The following NCOR2 variants were observed in gnomAD, a reference collection of about 807,000 sequenced individuals.
NCOR2 encodes the protein CTG repeat protein 26.
In NCOR2, 81 loss-of-function variants were observed where a neutral mutation model predicts 262.9. The ratio of observed to expected loss-of-function variants is 0.31; its 90% CI spans 0.26 to 0.37. NCOR2 has a LOEUF of 0.37. Among genes scored for constraint, NCOR2 ranks in the 10% least tolerant of loss-of-function variants. The pLI is 1.00. For synonymous variants in NCOR2, 1,659 were observed against 1,559.3 expected (o/e 1.06, Z -1.51); for missense variants, 3,385 against 3,621.4 (o/e 0.93, Z 1.68).
In NCOR2 at chr12:124,325,210, C is replaced by T. The variant is rs7313413; in HGVS notation, c.*192G>A. On this transcript the variant is annotated 3_prime_UTR_variant, in exon 47 of 47. Coordinates refer to ENST00000405201, the Ensembl canonical transcript of NCOR2. ...GAGTAAGGTCTGCACAGGGCCAGCC[C>T]GGGGCGGGAGTCTTAGTTAAGGCTT... 4.8e-3 allele frequency: 1,962 copies of T among 407,476 alleles called. 49 individuals are homozygous for T. Among genetic ancestry groups the T allele is most frequent in the African/African-American group, 0.037 (1,801 of 48,640 alleles). 25.2% of individuals were successfully genotyped at this position (407,476 alleles called of 1,614,324 possible). A position where few individuals can be genotyped will look rare whatever the true frequency, so the allele number is the denominator to read the frequency against.
At chr12:124,536,036 G>T (rs1207225001), upstream of NCOR2, among the ~76,000 whole-genome samples, 1 of 152,184 alleles carries the variant, frequency 6.6e-6, no homozygotes, top group Non-Finnish European at 1.5e-5. Context: ...GGGTGGGGGT[G>T]TCTACTATTC....
intron 1 of NCOR2, among the ~76,000 whole-genome samples, chr12:124,559,215 G>C (rs1321119229): frequency 1.3e-5 from 2 of 152,228 alleles, no homozygotes; most frequent in Non-Finnish European, 2.9e-5. Flanking sequence ...AGGAGAAGCA[G>C]GGGACCTGAA....
intron 6 of NCOR2, among the ~76,000 whole-genome samples, chr12:124,451,950 T>C (rs1160144654): frequency 1.4e-5 from 2 of 146,868 alleles, no homozygotes; most frequent in African/African-American, 2.5e-5. Flanking sequence ...GATCCCCTCC[T>C]AGAGAATTCA....
chr12:124,345,847 C>T (rs937357092), intron 31 of NCOR2, among the ~76,000 whole-genome samples: 1 of 152,212 alleles, frequency 6.6e-6, no homozygotes, highest in African/African-American at 2.4e-5. Context: ...AGCCCCACAG[C>T]CCCGTGGTGG....
Position 124,533,703 on chromosome 12 carries a change from T to C in NCOR2, c.-118+1862A>G, listed in dbSNP as rs115675620. On this transcript the variant is annotated intron_variant, in intron 1 of 46. Transcript: ENST00000404621. ...CATTCCATAAACGAATATATAGTCATGTACTGCTTAACCACGGGGACACGT... is the reference window on the plus strand; with the variant it reads ...CATTCCATAAACGAATATATAGTCACGTACTGCTTAACCACGGGGACACGT... 7.2e-3 allele frequency among the ~76,000 whole-genome samples: 1,098 copies of C among 152,256 alleles called. 9 individuals are homozygous for C. Among genetic ancestry groups the C allele is most frequent in the African/African-American group, 0.025 (1,034 of 41,552 alleles).
chr12:124,343,298 A>T, intron 32 of NCOR2, 72 bp from the exon 35 acceptor site: 1 of 1,305,482 alleles, frequency 7.7e-7, no homozygotes, highest in Non-Finnish European at 1.1e-6. Context: ...GAGGATAGGG[A>T]CCTCGGGATC....
chr12:124,522,743 T>G (rs2050255007), intron 1 of NCOR2, among the ~76,000 whole-genome samples: 1 of 152,264 alleles, frequency 6.6e-6, no homozygotes, highest in African/African-American at 2.4e-5. Context: ...CCCCTTTCCT[T>G]TCCCGCTAGT....
chr12:124,328,874 A>G (rs2034927654), intron 44 of NCOR2: 1 of 219,142 alleles, frequency 4.6e-6, no homozygotes, highest in Non-Finnish European at 9.4e-6. Flanking sequence ...TTTGGTTTCA[A>G]ATACGTTTGT....
Position 124,337,839 on chromosome 12 carries a change from GC to G in NCOR2, c.5688-660del, listed in dbSNP as rs1175791442. Among the ~76,000 whole-genome samples, 10 of 152,382 alleles carry G rather than the reference GC, an allele frequency of 6.6e-5. 1 individual carries two copies. The South Asian group carries it at 1.9e-3, about 28-fold the overall frequency. ...AGGAGCCGGCTGCTCCACCCACGTGGCCTTCCCGGAGCCCTGCGTTTCCATG... is the reference window on the plus strand; with the variant it reads ...AGGAGCCGGCTGCTCCACCCACGTGGCTTCCCGGAGCCCTGCGTTTCCATG... On this transcript the variant is annotated intron_variant, in intron 37 of 46. Coordinates refer to ENST00000405201, the Ensembl canonical transcript of NCOR2.
chr12:124,440,858 G>C lies in NCOR2; in HGVS notation c.816-2862C>G, dbSNP rs2044762616. Among the ~76,000 whole-genome samples, 1 of 152,164 alleles carries C rather than the reference G, an allele frequency of 6.6e-6. No individual in the cohort carries two copies. Among genetic ancestry groups the C allele is most frequent in the Admixed American group, 6.5e-5 (1 of 15,270 alleles). ...ACGTCATCAGAAGGACCCGGCTCTG[G>C]GAAGATCCAGAAGGAAGGGAACTCC... On this transcript the variant is annotated intron_variant, in intron 7 of 46. Coordinates refer to ENST00000405201, the Ensembl canonical transcript of NCOR2. The surrounding 1 kb of genome is among the most constrained non-coding windows in gnomAD (Gnocchi z 5.7).
intron 1 of NCOR2, among the ~76,000 whole-genome samples, chr12:124,500,799 G>T (rs2048659134): frequency 6.6e-6 from 1 of 152,106 alleles, no homozygotes; most frequent in Non-Finnish European, 1.5e-5. Context: ...CAGACCTGGG[G>T]AGGGTGGAAT....
Position 124,430,671 on chromosome 12 carries a change from G to A in NCOR2, c.999C>T (p.Tyr333=), listed in dbSNP as rs1032602068. 3.7e-6 allele frequency: 6 copies of A among 1,613,974 alleles called. No individual in the cohort carries two copies. The African/African-American group carries it at 4.0e-5, about 11-fold the overall frequency. ...TGCGGATCTCAGGGAACTGCTTCTC[G>A]TAGTACTCGCGCACCTTGCTCTCCT... Residue 333 remains tyrosine, a synonymous_variant, in exon 9 of 47, where the codon TAC becomes TAT. Transcript: ENST00000405201.
intron 1 of NCOR2, among the ~76,000 whole-genome samples, chr12:124,534,544 A>G (rs941483816): frequency 5.3e-5 from 8 of 152,180 alleles, no homozygotes; most frequent in South Asian, 2.1e-4. Flanking sequence ...TATGCAGCAC[A>G]TGACTGTATT....
chr12:124,451,351 T>A (rs1035842403), intron 6 of NCOR2, among the ~76,000 whole-genome samples: 6 of 152,220 alleles, frequency 3.9e-5, no homozygotes, highest in African/African-American at 1.4e-4. Context: ...AATGTGGGGC[T>A]GCTTTGTTCC....
Position 124,495,218 on chromosome 12 carries a change from ACGTCTGTGC to A in NCOR2, c.25_33del (p.Ala9_Thr11del), listed in dbSNP as rs757962130. ...GGGTAGCGGGGCTCAGTGGCCCTCC[ACGTCTGTGC>A]CACAGGCTGTGTGGATCCCGACATG... On this transcript the variant is annotated inframe_deletion, in exon 1 of 47. Coordinates refer to ENST00000405201, the Ensembl canonical transcript of NCOR2. This position sits in a 1 kb window ranked among gnomAD's most constrained non-coding sequence, Gnocchi z 4.4. 9.9e-6 allele frequency: 16 copies of A among 1,613,786 alleles called. No individual in the cohort carries two copies. In the South Asian group the frequency reaches 1.8e-4, roughly 18 times the overall value.
upstream of NCOR2, among the ~76,000 whole-genome samples, chr12:124,536,360 G>A (rs566777271): frequency 8.5e-5 from 13 of 152,284 alleles, no homozygotes; most frequent in African/African-American, 2.2e-4. Flanking sequence ...TTACAGGTGC[G>A]AGCCACTGTG....
intron 12 of NCOR2, among the ~76,000 whole-genome samples, chr12:124,420,599 T>C (rs912404798): frequency 2.6e-5 from 4 of 152,220 alleles, no homozygotes; most frequent in Admixed American, 6.5e-5. Flanking sequence ...TGGGTTTCCT[T>C]CTTTTCTCTG....
chr12:124,543,466 A>C (rs2051442125), intron 1 of NCOR2, among the ~76,000 whole-genome samples: 1 of 152,202 alleles, frequency 6.6e-6, no homozygotes, highest in African/African-American at 2.4e-5. Flanking sequence ...GCCCCAGGTC[A>C]CACAGCCAGT....
At position 124,481,015 on chromosome 12, in the gene NCOR2, T is replaced by G. The variant is rs1041764230; in HGVS notation, c.411+2581A>C. Among the ~76,000 whole-genome samples, 1 of 140,788 alleles carries G rather than the reference T, an allele frequency of 7.1e-6. No homozygotes were observed. Among genetic ancestry groups the G allele is most frequent in the African/African-American group, 2.7e-5 (1 of 37,168 alleles). The allele number at this position is 140,788 out of a possible 152,430, so 92.4% of individuals were successfully genotyped here. A position where few individuals can be genotyped will look rare whatever the true frequency, so the allele number is the denominator to read the frequency against. ...CGCAGGCAGATGGGCTGGGTGGCGC[T>G]GGGTGGTGGCTGGGAGTGGCTCTGT... On this transcript the variant is annotated intron_variant, in intron 3 of 46. Transcript: ENST00000405201. The surrounding 1 kb of genome is among the most constrained non-coding windows in gnomAD (Gnocchi z 4.6).
Sources: gnomAD v4.1 joint callset for allele counts (sites outside exome capture counted in the v4.1 genomes callset) on GRCh38, gnomAD v4.1.1 for gene constraint, Gnocchi (gnomAD v3.1) non-coding constraint, MANE v1.5 for transcripts, NCBI Gene and HGNC (gene_info 2026-07-23, HGNC 2026-07-21) for gene names.